Variants in PLCXD2 observed in about 807,000 individuals in gnomAD.
The protein encoded by PLCXD2 is phosphatidylinositol specific phospholipase C X domain containing 2.
Under a neutral mutation model 28.6 loss-of-function variants are expected in PLCXD2, and 21 were observed. The ratio of observed to expected loss-of-function variants is 0.73; its 90% confidence interval spans 0.52 to 1.06. The LOEUF is 1.06. Ranked by LOEUF, PLCXD2 falls within the 50% of genes least tolerant of loss-of-function variation. The pLI is 0.00. For synonymous variants in PLCXD2, 140 were observed against 150.1 expected (o/e 0.93, Z 0.49); for missense variants, 369 against 376.7 (o/e 0.98, Z 0.17).
At chr3:111,713,602 T>C (rs1236953557) in intron 2 of PLCXD2, among the ~76,000 whole-genome samples, 1 of 152,242 alleles carries the variant, frequency 6.6e-6, no homozygotes, top group Non-Finnish European at 1.5e-5. Flanking sequence ...CTGTATATTG[T>C]ATGCATTCAT....
In PLCXD2 at chr3:111,680,554, G is replaced by A. The variant is rs570146502; in HGVS notation, c.163+5146G>A. On this transcript the variant is annotated intron_variant, in intron 1 of 4. Transcript: ENST00000477665. ...TTTTTCCCCCCTCTGAGTGGCCATG[G>A]TGAAAAATAAAAAGACACTATGACT... is the stretch of plus-strand genomic sequence containing the variant. 2.0e-5 allele frequency among the ~76,000 whole-genome samples: 3 copies of A among 152,162 alleles called. No individual in the cohort carries two copies. In the South Asian group the frequency reaches 6.2e-4, roughly 32 times the overall value.
intron 2 of PLCXD2, among the ~76,000 whole-genome samples, chr3:111,713,437 T>C (rs1941228451): frequency 6.6e-6 from 1 of 152,258 alleles, no homozygotes; most frequent in Admixed American, 6.5e-5. Context: ...ATACCACTTA[T>C]GCTTATCCCT....
At chr3:111,712,743 C>T (rs1044247954) in intron 2 of PLCXD2, among the ~76,000 whole-genome samples, 2 of 152,260 alleles carry the variant, frequency 1.3e-5, no homozygotes, top group South Asian at 2.1e-4. Context: ...GCCAACTATC[C>T]GGGGATGGCA....
chr3:111,715,050 T>C (rs1450390036), intron 3 of PLCXD2, among the ~76,000 whole-genome samples: 1 of 152,164 alleles, frequency 6.6e-6, no homozygotes, highest in Non-Finnish European at 1.5e-5. Flanking sequence ...TTAGGTAACA[T>C]GAGTTCAGAT....
intron 3 of PLCXD2, chr3:111,723,734 G>C (rs964541996): frequency 1.9e-4 from 29 of 152,170 alleles, no homozygotes; most frequent in African/African-American, 7.0e-4. Context: ...GAGAACTCAG[G>C]CATGTGGGAC....
chr3:111,689,130 G>T (rs1247958117), intron 1 of PLCXD2, among the ~76,000 whole-genome samples: 1 of 152,200 alleles, frequency 6.6e-6, no homozygotes, highest in African/African-American at 2.4e-5. Context: ...ACTTCTAGTT[G>T]GTGGGTAAGG....
chr3:111,697,334 GA>G (rs1379205818), intron 1 of PLCXD2, among the ~76,000 whole-genome samples: 1 of 152,098 alleles, frequency 6.6e-6, no homozygotes, highest in Non-Finnish European at 1.5e-5. Flanking sequence ...TGTCTTCTAA[GA>G]AAGCAAAAAG....
At chr3:111,696,666 G>A (rs1940965987) in intron 1 of PLCXD2, among the ~76,000 whole-genome samples, 1 of 152,076 alleles carries the variant, frequency 6.6e-6, no homozygotes. Context: ...AAATAGACAA[G>A]CTTTAATTGA....
chr3:111,686,308 C>CTT (rs1940794387), intron 1 of PLCXD2, among the ~76,000 whole-genome samples: 1 of 152,122 alleles, frequency 6.6e-6, no homozygotes, highest in Admixed American at 6.6e-5. Flanking sequence ...GGCTTCTCAG[C>CTT]ACATAAAAAA....
In PLCXD2 at chr3:111,675,036, G is replaced by A; in HGVS notation, c.-210G>A. ...CGGAGCTGGGACTGAGCAGATTAAG[G>A]GAGTGGAGCGGAGGCTGGGCCGGAG... is the stretch of plus-strand genomic sequence containing the variant. On this transcript the variant is annotated 5_prime_UTR_variant, in exon 1 of 5. Coordinates refer to ENST00000477665, the MANE Select transcript of PLCXD2 (RefSeq NM_001185106.1). 7 of 584,942 alleles carry A rather than the reference G, an allele frequency of 1.2e-5. No homozygotes were observed. The South Asian group carries it at 1.6e-4, about 13-fold the overall frequency. 36.2% of individuals were successfully genotyped at this position (584,942 alleles called of 1,614,324 possible). A position where few individuals can be genotyped will look rare whatever the true frequency, so the allele number is the denominator to read the frequency against.
intron 3 of PLCXD2, chr3:111,723,664 GT>G (rs1359667801): frequency 6.6e-6 from 1 of 152,170 alleles, no homozygotes; most frequent in Non-Finnish European, 1.5e-5. Context: ...TCAAGAAAAA[GT>G]TGCTTAACAT....
At chr3:111,723,014 C>T (rs935494197) in intron 3 of PLCXD2, 3 of 152,176 alleles carry the variant, frequency 2.0e-5, no homozygotes, top group East Asian at 1.9e-4. Context: ...TGTGTTCCCT[C>T]GTTTTCTAAA....
intron 1 of PLCXD2, among the ~76,000 whole-genome samples, chr3:111,677,826 A>G (rs1171888018): frequency 2.0e-5 from 3 of 152,238 alleles, no homozygotes; most frequent in African/African-American, 7.2e-5. Context: ...GTATTTGTCT[A>G]AGTGATTATC....
chr3:111,725,114 G>T (rs1325536944), intron 3 of PLCXD2: 1 of 152,236 alleles, frequency 6.6e-6, no homozygotes, highest in African/African-American at 2.4e-5. Flanking sequence ...TCCATATAAT[G>T]AAATGTGTAG....
At chr3:111,682,699 G>A (rs187784651) in intron 1 of PLCXD2, among the ~76,000 whole-genome samples, 4 of 152,266 alleles carry the variant, frequency 2.6e-5, no homozygotes, top group East Asian at 1.9e-4. Flanking sequence ...TTTAAAGTGC[G>A]ATTGAAACCA....
chr3:111,713,425 A>C (rs1941228328), intron 2 of PLCXD2, among the ~76,000 whole-genome samples: 1 of 152,234 alleles, frequency 6.6e-6, no homozygotes, highest in Non-Finnish European at 1.5e-5. Context: ...CAGATATCTG[A>C]GATACCACTT....
chr3:111,725,864 CT>C (rs1022717064), intron 3 of PLCXD2: 1 of 398,460 alleles, frequency 2.5e-6, no homozygotes, highest in African/African-American at 2.1e-5. Context: ...TAGAATACTA[CT>C]TTTTCCTTTT....
At chr3:111,694,247 A>G (rs74687426) in intron 1 of PLCXD2, among the ~76,000 whole-genome samples, 9 of 152,164 alleles carry the variant, frequency 5.9e-5, no homozygotes, top group South Asian at 2.1e-4. Context: ...CCAAGAGTCT[A>G]TCTCTAAATT....
At chr3:111,722,187 A>C (rs1941356006) in intron 3 of PLCXD2, 1 of 137,518 alleles carries the variant, frequency 7.3e-6, no homozygotes, top group African/African-American at 2.6e-5. Flanking sequence ...GTTTTGATTT[A>C]TTTATTTATT....
Sources: gnomAD v4.1 joint callset for allele counts (sites outside exome capture counted in the v4.1 genomes callset) on GRCh38, gnomAD v4.1.1 for gene constraint, MANE v1.5 for transcripts, NCBI Gene and HGNC (gene_info 2026-07-23, HGNC 2026-07-21) for gene names.